CNTLN: variants seen among roughly 807,000 people sequenced by gnomAD.
CNTLN encodes the protein centlein, centrosomal protein.
CNTLN carries 212 observed loss-of-function variants against 180.0 expected under a neutral mutation model. The observed-to-expected ratio is 1.18, with a 90% CI of 1.05 to 1.32. The LOEUF (loss-of-function observed/expected upper bound fraction) is 1.32. Ranked by LOEUF, CNTLN falls within the 40% of genes most tolerant of loss-of-function variation. The pLI is 0.00. For missense variants in CNTLN, 2,095 were observed against 1,610.9 expected, an observed-to-expected ratio of 1.30 and a Z score of -5.14; for synonymous variants, 722 against 563.1, an observed-to-expected ratio of 1.28 and a Z score of -3.99.
chr9:17,194,641 T>A (rs1822007076), intron 2 of CNTLN, among the ~76,000 whole-genome samples: 1 of 152,190 alleles, frequency 6.6e-6, no homozygotes. Flanking sequence ...CTTTCCCAAA[T>A]TTTCCTGTCT....
Position 17,502,616 on chromosome 9 carries a change from T to G in CNTLN, c.4185T>G (p.Val1395=). ...AAATAAATGAAAAAAAGAAACTAGT[T>G]GAAGGATATTTCACAATTATGAAAG... ...LEKINEKKKL[V]EGYFTIMKDI... is the part of the protein sequence containing the mutation. Residue 1395 remains valine, a synonymous_variant, in exon 26 of 26, where the codon GTT becomes GTG. Transcript: ENST00000380647. 7.2e-7 allele frequency: 1 copy of G among 1,385,224 alleles called. No individual in the cohort carries two copies. Among genetic ancestry groups the G allele is most frequent in the South Asian group, 1.3e-5 (1 of 75,636 alleles). The allele number at this position is 1,385,224 out of a possible 1,614,324, so 85.8% of individuals were successfully genotyped here. A position where few individuals can be genotyped will look rare whatever the true frequency, so the allele number is the denominator to read the frequency against.
intron 25 of CNTLN, among the ~76,000 whole-genome samples, chr9:17,494,738 T>C (rs907102346): frequency 6.6e-6 from 1 of 152,144 alleles, no homozygotes; most frequent in African/African-American, 2.4e-5. Context: ...TTACTCTCGT[T>C]TGTGGTAATG....
chr9:17,269,317 GTTC>G (rs758859988), intron 5 of CNTLN, among the ~76,000 whole-genome samples: 81 of 151,616 alleles, frequency 5.3e-4, no homozygotes, highest in Non-Finnish European at 1.1e-3. Flanking sequence ...GGTTCAATTT[GTTC>G]TTCTTCTAAT....
chr9:17,298,671 C>T (rs769052420), intron 7 of CNTLN: 39 of 1,015,348 alleles, frequency 3.8e-5, no homozygotes, highest in African/African-American at 6.8e-5. Flanking sequence ...TGGAATTCCT[C>T]GGCCTGCTAT....
At chr9:17,148,231 T>C (rs1183607339) in intron 2 of CNTLN, among the ~76,000 whole-genome samples, 2 of 152,338 alleles carry the variant, frequency 1.3e-5, no homozygotes, top group South Asian at 4.1e-4. Flanking sequence ...GATATCATGC[T>C]ATTTTACCTA....
intron 13 of CNTLN, among the ~76,000 whole-genome samples, chr9:17,378,953 G>A (rs1279565304): frequency 2.0e-5 from 3 of 152,056 alleles, no homozygotes; most frequent in African/African-American, 7.2e-5. Context: ...CACATCTGCT[G>A]GTAGTGAAAT....
At chr9:17,187,735 G>A (rs1821520583) in intron 2 of CNTLN, among the ~76,000 whole-genome samples, 2 of 151,454 alleles carry the variant, frequency 1.3e-5, no homozygotes, top group Admixed American at 1.3e-4. Flanking sequence ...GATATTTATA[G>A]AGTGTCATAT....
At chr9:17,434,432 A>G (rs1242693222) in intron 18 of CNTLN, among the ~76,000 whole-genome samples, 1 of 151,846 alleles carries the variant, frequency 6.6e-6, no homozygotes, top group East Asian at 1.9e-4. Flanking sequence ...TTTACATTTC[A>G]TTACGTTCTT....
chr9:17,359,897 CAA>C (rs986330569), intron 12 of CNTLN, among the ~76,000 whole-genome samples: 1 of 148,724 alleles, frequency 6.7e-6, no homozygotes, highest in African/African-American at 2.5e-5. Flanking sequence ...GAGGCTGTCT[CAA>C]AAAAAAAAAT....
chr9:17,488,858 G>C (rs553637427), intron 25 of CNTLN, among the ~76,000 whole-genome samples: 14 of 152,072 alleles, frequency 9.2e-5, no homozygotes, highest in Non-Finnish European at 1.6e-4. Flanking sequence ...AAATTTAATG[G>C]AGCAGCCTTT....
intron 18 of CNTLN, among the ~76,000 whole-genome samples, chr9:17,446,070 C>T (rs921473749): frequency 1.3e-5 from 2 of 152,154 alleles, no homozygotes; most frequent in Non-Finnish European, 2.9e-5. Flanking sequence ...CCTTTGTTCA[C>T]GTGTTTGTCT....
chr9:17,526,004 C>T, the CNTLN span, among the ~76,000 whole-genome samples: 53 of 152,112 alleles, frequency 3.5e-4, no homozygotes, highest in African/African-American at 1.2e-3. Context: ...GGCGCAATCT[C>T]GGCTCACTGC....
At chr9:17,139,174 G>C (rs576531454) in intron 1 of CNTLN, among the ~76,000 whole-genome samples, 7 of 152,106 alleles carry the variant, frequency 4.6e-5, no homozygotes, top group African/African-American at 1.7e-4. Context: ...TGTAACCTCT[G>C]CCTCCCTGGT....
chr9:17,217,700 A>C (rs533605568), intron 2 of CNTLN, among the ~76,000 whole-genome samples: 3 of 152,228 alleles, frequency 2.0e-5, no homozygotes, highest in Non-Finnish European at 4.4e-5. Context: ...GCACAATCAT[A>C]AAAGGCATAT....
intron 5 of CNTLN, among the ~76,000 whole-genome samples, chr9:17,257,024 G>C (rs1247478514): frequency 2.0e-5 from 3 of 151,554 alleles, no homozygotes; most frequent in East Asian, 3.9e-4. Flanking sequence ...TGTGCACATT[G>C]TGCAGGTTAG....
chr9:17,486,766 G>A (rs1374105091), intron 24 of CNTLN, among the ~76,000 whole-genome samples: 1 of 151,974 alleles, frequency 6.6e-6, no homozygotes, highest in African/African-American at 2.4e-5. Flanking sequence ...AAATATTTCT[G>A]AATTACTGTG....
chr9:17,436,141 C>A (rs528096484), intron 18 of CNTLN, among the ~76,000 whole-genome samples: 210 of 152,096 alleles, frequency 1.4e-3, no homozygotes, highest in African/African-American at 5.0e-3. Context: ...CTATAGTGCC[C>A]ACACCATAAT....
intron 25 of CNTLN, chr9:17,495,077 G>T: frequency 2.8e-6 from 1 of 363,222 alleles, no homozygotes; most frequent in East Asian, 7.5e-5. Flanking sequence ...ATTGGGTTTT[G>T]CCATGTTGCC....
At chr9:17,410,708 C>T (rs922222066) in intron 16 of CNTLN, among the ~76,000 whole-genome samples, 2 of 152,096 alleles carry the variant, frequency 1.3e-5, no homozygotes, top group African/African-American at 4.8e-5. Context: ...ACATCAATGT[C>T]TAGCATTGAT....
Sources: gnomAD v4.1 joint callset for allele counts (sites outside exome capture counted in the v4.1 genomes callset) on GRCh38, gnomAD v4.1.1 for gene constraint, MANE v1.5 for transcripts, NCBI Gene and HGNC (gene_info 2026-07-23, HGNC 2026-07-21) for gene names.